Variants in CSMD1 observed in about 807,000 individuals in gnomAD.
CSMD1 encodes CUB and Sushi multiple domains 1, also known as CUB and sushi domain-containing protein 1.
A neutral mutation model predicts 417.5 loss-of-function variants in CSMD1; 213 were observed. The observed-to-expected ratio is 0.51, with a 90% CI of 0.46 to 0.57. CSMD1 has a LOEUF of 0.57. Ranked by LOEUF, CSMD1 falls within the 20% of genes least tolerant of loss-of-function variation. The pLI is 0.00. For synonymous variants in CSMD1, 2,862 were observed against 1,736.8 expected (o/e 1.65, Z -16.11); for missense variants, 6,923 against 4,529.7 (o/e 1.53, Z -15.17).
intron 7 of CSMD1, among the ~76,000 whole-genome samples, chr8:3,623,169 G>C (rs528584622): frequency 8.5e-5 from 13 of 152,126 alleles, no homozygotes; most frequent in Non-Finnish European, 1.8e-4. Context: ...AAATGAATTT[G>C]ATTTTAAAAG....
At chr8:4,717,351 A>T (rs145618855) in intron 1 of CSMD1, among the ~76,000 whole-genome samples, 5,392 of 147,826 alleles carry the variant, frequency 0.036, 124 homozygotes, top group East Asian at 0.08. Context: ...ATATATACAC[A>T]CACATATATA....
At chr8:3,503,829 C>T (rs1382260850) in intron 10 of CSMD1, among the ~76,000 whole-genome samples, 1 of 149,412 alleles carries the variant, frequency 6.7e-6, no homozygotes, top group Non-Finnish European at 1.5e-5. Flanking sequence ...CCCCATCCCC[C>T]CTTGCCCCCC....
chr8:3,842,278 A>G (rs1011368070), intron 5 of CSMD1, among the ~76,000 whole-genome samples: 16 of 152,038 alleles, frequency 1.1e-4, no homozygotes, highest in African/African-American at 3.9e-4. Context: ...CAATCTTCTT[A>G]TGAGGTTCTT....
At chr8:4,558,754 G>A (rs539621171) in intron 2 of CSMD1, among the ~76,000 whole-genome samples, 2 of 152,238 alleles carry the variant, frequency 1.3e-5, no homozygotes, top group East Asian at 3.9e-4. Flanking sequence ...TGTAATCCCA[G>A]CTACTCCGGA....
chr8:3,622,062 T>C (rs1796278490), intron 7 of CSMD1, among the ~76,000 whole-genome samples: 1 of 151,952 alleles, frequency 6.6e-6, no homozygotes, highest in Non-Finnish European at 1.5e-5. Flanking sequence ...TCTACTACTT[T>C]TCTCTTCAAG....
chr8:4,051,071 C>G (rs1198905520), intron 3 of CSMD1, among the ~76,000 whole-genome samples: 1 of 151,884 alleles, frequency 6.6e-6, no homozygotes, highest in African/African-American at 2.4e-5. Context: ...TGTTTTGAAG[C>G]GCACTGCCCT....
intron 10 of CSMD1, among the ~76,000 whole-genome samples, chr8:3,531,874 C>A (rs1011101262): frequency 6.6e-6 from 1 of 152,092 alleles, no homozygotes; most frequent in Non-Finnish European, 1.5e-5. Flanking sequence ...CACCATGGGG[C>A]CCCACCTCTC....
At chr8:3,244,523 C>G (rs891595135) in intron 26 of CSMD1, among the ~76,000 whole-genome samples, 1 of 152,210 alleles carries the variant, frequency 6.6e-6, no homozygotes, top group Non-Finnish European at 1.5e-5. Context: ...AGCTTTTACA[C>G]TGTACATACA....
intron 5 of CSMD1, among the ~76,000 whole-genome samples, chr8:3,984,306 T>G (rs1814141567): frequency 6.6e-6 from 1 of 152,036 alleles, no homozygotes; most frequent in Admixed American, 6.6e-5. Flanking sequence ...ATGCACAGAG[T>G]TTACTGAGCC....
intron 7 of CSMD1, among the ~76,000 whole-genome samples, chr8:3,677,371 G>A (rs1433343505): frequency 1.3e-5 from 2 of 152,018 alleles, no homozygotes; most frequent in Admixed American, 6.6e-5. Context: ...GCAGTTATTT[G>A]CCTCCCACAC....
At chr8:3,488,537 A>G (rs1215832625) in intron 11 of CSMD1, among the ~76,000 whole-genome samples, 3 of 152,204 alleles carry the variant, frequency 2.0e-5, no homozygotes, top group African/African-American at 7.2e-5. Flanking sequence ...TCTTACTATT[A>G]ATAATGTAGA....
chr8:4,894,380 T>C (rs1482743596), intron 1 of CSMD1, among the ~76,000 whole-genome samples: 2 of 152,108 alleles, frequency 1.3e-5, no homozygotes, highest in East Asian at 3.9e-4. Flanking sequence ...TAATTTACTT[T>C]CATATTCTCT....
intron 2 of CSMD1, among the ~76,000 whole-genome samples, chr8:4,506,731 T>C (rs985158276): frequency 1.3e-5 from 2 of 152,190 alleles, no homozygotes; most frequent in African/African-American, 4.8e-5. Context: ...GAGTGTATTG[T>C]TTCATCAGCT....
intron 5 of CSMD1, among the ~76,000 whole-genome samples, chr8:3,948,880 C>T (rs752233170): frequency 1.6e-4 from 25 of 151,598 alleles, no homozygotes; most frequent in South Asian, 6.2e-4. Flanking sequence ...CAGAAACTAA[C>T]AAAAAAGGAG....
chr8:3,921,336 T>C (rs1223572580), intron 5 of CSMD1, among the ~76,000 whole-genome samples: 1 of 152,102 alleles, frequency 6.6e-6, no homozygotes, highest in Non-Finnish European at 1.5e-5. Flanking sequence ...TTGTCTATCC[T>C]TTCATAAAAT....
At chr8:3,748,302 T>A (rs566213124) in intron 6 of CSMD1, among the ~76,000 whole-genome samples, 9 of 152,204 alleles carry the variant, frequency 5.9e-5, no homozygotes, top group Non-Finnish European at 1.3e-4. Context: ...AAGGTTATAA[T>A]ATATTTCAGT....
chr8:4,164,963 C>A (rs964014816), intron 3 of CSMD1, among the ~76,000 whole-genome samples: 1 of 151,900 alleles, frequency 6.6e-6, no homozygotes, highest in Admixed American at 6.6e-5. Flanking sequence ...TTCAACTGAG[C>A]AGTAGGAATT....
At chr8:4,447,873 G>A (rs1038378689) in intron 2 of CSMD1, among the ~76,000 whole-genome samples, 2 of 152,170 alleles carry the variant, frequency 1.3e-5, no homozygotes, top group Non-Finnish European at 2.9e-5. Context: ...GAGGAGGCTC[G>A]ACGAATGTAC....
intron 1 of CSMD1, among the ~76,000 whole-genome samples, chr8:4,649,109 T>G (rs752042538): frequency 6.6e-6 from 1 of 152,184 alleles, no homozygotes; most frequent in Non-Finnish European, 1.5e-5. Context: ...TTGATACACC[T>G]GTCATTATAT....
Sources: allele counts gnomAD v4.1 joint callset (sites outside exome capture counted in the v4.1 genomes callset), GRCh38; gene constraint gnomAD v4.1.1; transcripts MANE v1.5; gene names NCBI Gene and HGNC (gene_info 2026-07-23, HGNC 2026-07-21).